DPP6: variants seen among roughly 807,000 people sequenced by gnomAD.
DPP6 encodes dipeptidyl peptidase like 6, also known as A-type potassium channel modulatory protein DPP6.
DPP6 carries 69 observed loss-of-function variants against 122.6 expected under a neutral mutation model. That is an observed-to-expected ratio of 0.56 (90% CI 0.46 to 0.69). The LOEUF (loss-of-function observed/expected upper bound fraction) is 0.69, where lower values mean the gene tolerates loss of function less well. Ranked by LOEUF, DPP6 falls within the 30% of genes least tolerant of loss-of-function variation. The pLI, the probability that DPP6 is intolerant of heterozygous loss-of-function variation, is 0.00. For missense variants in DPP6, 928 were observed against 1,116.9 expected (o/e 0.83, Z 2.41); for synonymous variants, 418 against 433.1 (o/e 0.97, Z 0.43).
At chr7:154,252,213 CGTGTGT>C (rs141850746) in intron 1 of DPP6, among the ~76,000 whole-genome samples, 23 of 150,476 alleles carry the variant, frequency 1.5e-4, no homozygotes, top group African/African-American at 3.9e-4. Context: ...CACAATGTCA[CGTGTGT>C]GTGTGTGTGT....
chr7:154,739,004 C>A lies in DPP6; in HGVS notation c.883+11117C>A, dbSNP rs371642887. Among the ~76,000 whole-genome samples the A allele has an allele frequency of 5.6e-4, 85 of 152,340 alleles. No individual in the cohort carries two copies. In the South Asian group the frequency reaches 0.015, roughly 26 times the overall value. On this transcript the variant is annotated intron_variant, in intron 8 of 25. Coordinates refer to ENST00000377770, the MANE Select transcript of DPP6 (RefSeq NM_130797.4). ...ATGGGGAGGAGGTGAGGCTCTTTCC[C>A]TCACGGTCACTCAAGGTCCCAGGCT...
intron 8 of DPP6, among the ~76,000 whole-genome samples, chr7:154,740,747 C>A (rs959752199): frequency 1.3e-5 from 2 of 152,148 alleles, no homozygotes; most frequent in African/African-American, 4.8e-5. Context: ...GGGGGCTGGG[C>A]ACGTGGGTAT....
chr7:154,328,975 C>T (rs1297474846), intron 1 of DPP6, among the ~76,000 whole-genome samples: 1 of 152,200 alleles, frequency 6.6e-6, no homozygotes, highest in African/African-American at 2.4e-5. Context: ...ATGTTGCTAA[C>T]TGTGGATAGC....
At chr7:154,488,387 G>A (rs998606361) in intron 3 of DPP6, among the ~76,000 whole-genome samples, 1 of 151,778 alleles carries the variant, frequency 6.6e-6, no homozygotes. Flanking sequence ...CTACTCGGGA[G>A]GCAGTGAGCC....
the DPP6 span, among the ~76,000 whole-genome samples, chr7:153,753,266 A>G: frequency 4.0e-5 from 6 of 151,712 alleles, no homozygotes; most frequent in African/African-American, 1.5e-4. Flanking sequence ...TTCTTTCACC[A>G]TATTTGGGGA....
intron 7 of DPP6, among the ~76,000 whole-genome samples, chr7:154,671,552 A>G (rs1156713258): frequency 6.6e-6 from 1 of 152,160 alleles, no homozygotes; most frequent in Non-Finnish European, 1.5e-5. Flanking sequence ...CCCGTAGTAG[A>G]GTTGGTACTT....
At chr7:154,046,815 C>G (rs746301546) in intron 1 of DPP6, among the ~76,000 whole-genome samples, 1 of 152,212 alleles carries the variant, frequency 6.6e-6, no homozygotes, top group African/African-American at 2.4e-5. Flanking sequence ...TGTGCTCACA[C>G]TCAACCCTCC....
At chr7:154,341,250 G>C (rs1809902914) in intron 1 of DPP6, among the ~76,000 whole-genome samples, 1 of 152,158 alleles carries the variant, frequency 6.6e-6, no homozygotes, top group Admixed American at 6.5e-5. Context: ...GATTCCTGCA[G>C]CTCTTTCCTT....
intron 1 of DPP6, among the ~76,000 whole-genome samples, chr7:154,440,438 C>G (rs1479120803): frequency 1.3e-5 from 2 of 152,150 alleles, no homozygotes; most frequent in Admixed American, 6.5e-5. Context: ...GCTTCCCCTG[C>G]TAAGTACATG....
the DPP6 span, among the ~76,000 whole-genome samples, chr7:153,780,995 G>C: frequency 2.8e-4 from 42 of 152,266 alleles, no homozygotes; most frequent in African/African-American, 7.5e-4. Flanking sequence ...GGATGTGTTT[G>C]TCATGATAAA....
intron 1 of DPP6, among the ~76,000 whole-genome samples, chr7:154,243,879 A>AT (rs1274113198): frequency 6.6e-6 from 1 of 152,114 alleles, no homozygotes; most frequent in East Asian, 1.9e-4. Context: ...AAAAGCAGAG[A>AT]TTAAAAAAAA....
chr7:154,393,442 C>T (rs941801916), intron 1 of DPP6, among the ~76,000 whole-genome samples: 19 of 152,150 alleles, frequency 1.2e-4, no homozygotes, highest in African/African-American at 4.3e-4. Context: ...ATTATCAAAA[C>T]AAATTTGGTT....
the DPP6 span, among the ~76,000 whole-genome samples, chr7:153,792,684 G>A: frequency 6.6e-6 from 1 of 151,424 alleles, no homozygotes; most frequent in African/African-American, 2.4e-5. Context: ...GAGCAGGATT[G>A]GAAGTTTATT....
intron 1 of DPP6, among the ~76,000 whole-genome samples, chr7:153,981,963 G>T (rs1796612503): frequency 6.6e-6 from 1 of 152,050 alleles, no homozygotes; most frequent in African/African-American, 2.4e-5. Flanking sequence ...TTTCTCTCTG[G>T]CTGCCCTTAA....
At chr7:154,108,800 C>T (rs922966013) in intron 1 of DPP6, among the ~76,000 whole-genome samples, 3 of 152,214 alleles carry the variant, frequency 2.0e-5, no homozygotes, top group Non-Finnish European at 2.9e-5. Context: ...TTGAAATATA[C>T]GTTACCACCA....
intron 1 of DPP6, among the ~76,000 whole-genome samples, chr7:154,091,268 C>T (rs115595495): frequency 0.026 from 4,005 of 152,258 alleles, 187 homozygotes; most frequent in African/African-American, 0.091. Flanking sequence ...AGGAATCCTC[C>T]GCCTCCCCTG....
intron 1 of DPP6, among the ~76,000 whole-genome samples, chr7:154,120,558 C>T (rs2150604615): frequency 1.3e-5 from 2 of 152,202 alleles, no homozygotes; most frequent in South Asian, 4.1e-4. Flanking sequence ...ATGTTCATTT[C>T]AAAGGGGTCT....
At chr7:154,242,588 T>A (rs1469783021) in intron 1 of DPP6, among the ~76,000 whole-genome samples, 1 of 152,172 alleles carries the variant, frequency 6.6e-6, no homozygotes, top group Non-Finnish European at 1.5e-5. Flanking sequence ...ACTGTAATTC[T>A]TGAGAGAAAG....
chr7:154,566,071 T>C (rs555021297), intron 4 of DPP6, among the ~76,000 whole-genome samples: 1 of 152,278 alleles, frequency 6.6e-6, no homozygotes, highest in South Asian at 2.1e-4. Flanking sequence ...TCACAGTTAG[T>C]CTTCTATGTA....
Sources: gnomAD v4.1 joint callset for allele counts (sites outside exome capture counted in the v4.1 genomes callset) on GRCh38, gnomAD v4.1.1 for gene constraint, MANE v1.5 for transcripts, NCBI Gene and HGNC (gene_info 2026-07-23, HGNC 2026-07-21) for gene names.